Variants in PLXNA4 observed in about 807,000 individuals in gnomAD.
PLXNA4 encodes the protein plexin-A4.
Under a neutral mutation model 191.8 loss-of-function variants are expected in PLXNA4, and 44 were observed. The ratio of observed to expected loss-of-function variants is 0.23; its 90% CI spans 0.18 to 0.29. The LOEUF (loss-of-function observed/expected upper bound fraction) is 0.29, where lower values mean the gene tolerates loss of function less well. Among genes scored for constraint, PLXNA4 ranks in the 10% least tolerant of loss-of-function variants. The pLI is 1.00. For missense variants in PLXNA4, 1,800 were observed against 2,488.8 expected (o/e 0.72, Z 5.89); for synonymous variants, 1,082 against 1,009.5 (o/e 1.07, Z -1.36).
chr7:132,438,267 G>A (rs895444525), intron 3 of PLXNA4, among the ~76,000 whole-genome samples: 1 of 152,150 alleles, frequency 6.6e-6, no homozygotes, highest in African/African-American at 2.4e-5. Context: ...TCTATGAGGT[G>A]TAGATAACAG....
intron 3 of PLXNA4, among the ~76,000 whole-genome samples, chr7:132,461,092 A>C (rs182974515): frequency 7.9e-5 from 12 of 152,378 alleles, no homozygotes; most frequent in Admixed American, 6.5e-4. Context: ...AAAAAATCAA[A>C]GTAAACAGCA....
chr7:132,141,280 A>T (rs1795261303), intron 29 of PLXNA4, among the ~76,000 whole-genome samples: 1 of 152,190 alleles, frequency 6.6e-6, no homozygotes, highest in South Asian at 2.1e-4. Flanking sequence ...ACTTGGCAGA[A>T]GTCACACCCT....
chr7:132,427,402 T>C (rs995154587), intron 3 of PLXNA4, among the ~76,000 whole-genome samples: 2 of 152,114 alleles, frequency 1.3e-5, no homozygotes, highest in Non-Finnish European at 2.9e-5. Context: ...ACACTCTTCC[T>C]TTTTTCCTCC....
chr7:132,335,902 G>A (rs1279957251), intron 3 of PLXNA4, among the ~76,000 whole-genome samples: 2 of 152,170 alleles, frequency 1.3e-5, no homozygotes, highest in Non-Finnish European at 2.9e-5. Context: ...CCTGCTGGTG[G>A]TCTCCCCCAA....
intron 3 of PLXNA4, among the ~76,000 whole-genome samples, chr7:132,413,244 C>T (rs1342072740): frequency 2.6e-5 from 4 of 152,154 alleles, no homozygotes; most frequent in Non-Finnish European, 5.9e-5. Context: ...CACAGCAAAG[C>T]CTGGAAGCAA....
intron 2 of PLXNA4, among the ~76,000 whole-genome samples, chr7:132,625,830 G>T (rs1803359387): frequency 1.3e-5 from 2 of 152,116 alleles, no homozygotes; most frequent in Non-Finnish European, 1.5e-5. Context: ...TCTCCCCTAG[G>T]GACTGGGATA....
chr7:132,309,863 C>T (rs1801661412), intron 3 of PLXNA4, among the ~76,000 whole-genome samples: 1 of 152,212 alleles, frequency 6.6e-6, no homozygotes, highest in Admixed American at 6.5e-5. Context: ...GAGCTCGGCA[C>T]AGGGCAGAGA....
At chr7:132,264,260 C>A (rs1326775734) in intron 4 of PLXNA4, 1 of 152,208 alleles carries the variant, frequency 6.6e-6, no homozygotes, top group East Asian at 1.9e-4. Context: ...CCATCAGAAC[C>A]CTCTCCCCTG....
intron 1 of PLXNA4, among the ~76,000 whole-genome samples, chr7:132,522,690 T>C (rs1799239309): frequency 6.6e-6 from 1 of 152,202 alleles, no homozygotes; most frequent in Admixed American, 6.5e-5. Flanking sequence ...GAAGATCACT[T>C]GTGCCTAGGA....
intron 3 of PLXNA4, among the ~76,000 whole-genome samples, chr7:132,402,399 G>C (rs1012195033): frequency 6.6e-6 from 1 of 152,156 alleles, no homozygotes; most frequent in African/African-American, 2.4e-5. Flanking sequence ...AGGCACAGGG[G>C]CTCCATTGTA....
intron 3 of PLXNA4, among the ~76,000 whole-genome samples, chr7:132,339,757 C>T (rs1802952818): frequency 6.6e-6 from 1 of 152,064 alleles, no homozygotes; most frequent in African/African-American, 2.4e-5. Context: ...TATTCAGGGG[C>T]CCCCACACTT....
rs764057793 is a variant in PLXNA4, at chr7:132,164,229, C to G, written c.4413G>C (p.Lys1471Asn). 1 of 1,614,240 alleles carries G rather than the reference C, an allele frequency of 6.2e-7. No homozygotes were observed. The highest frequency in any genetic ancestry group is 8.5e-7 in the Non-Finnish European group (1 of 1,180,034). ...LFCAIKQQME[K>N]GPIDAITGEA... ...CGCCCGTGATGGCGTCAATGGGGCC[C>G]TTCTCCATCTGCTGCTTGATGGCAC... The change falls in exon 24 of 32, where the codon AAG (lysine) becomes AAC (asparagine). Residue 1471 changes from lysine (K) to asparagine (N), a missense_variant. Around this residue, in one of 6 missense-constraint regions of PLXNA4, gnomAD observed 214 missense variants for 298.2 expected, o/e 0.72. Transcript: ENST00000321063.
At chr7:132,455,682 A>G (rs1259074467) in intron 3 of PLXNA4, among the ~76,000 whole-genome samples, 1 of 152,016 alleles carries the variant, frequency 6.6e-6, no homozygotes, top group Non-Finnish European at 1.5e-5. Context: ...TTGTGCATCA[A>G]GCGTGCAGCT....
At chr7:132,202,219 T>C (rs976640565) in intron 12 of PLXNA4, among the ~76,000 whole-genome samples, 3 of 152,130 alleles carry the variant, frequency 2.0e-5, no homozygotes, top group African/African-American at 7.2e-5. Context: ...GACCTCTCTG[T>C]TGTGACCTTC....
chr7:132,156,724 T>C (rs1315244689), intron 25 of PLXNA4, among the ~76,000 whole-genome samples: 1 of 152,224 alleles, frequency 6.6e-6, no homozygotes, highest in East Asian at 1.9e-4. Flanking sequence ...AAATTGCTCT[T>C]AGGCTTTCAA....
chr7:132,391,018 T>A (rs927858659), intron 3 of PLXNA4, among the ~76,000 whole-genome samples: 3 of 152,204 alleles, frequency 2.0e-5, no homozygotes, highest in Admixed American at 1.3e-4. Context: ...ATCACAGTCT[T>A]AGGGAGTTTC....
chr7:132,150,389 G>A (rs1216403309), intron 25 of PLXNA4, among the ~76,000 whole-genome samples: 1 of 152,226 alleles, frequency 6.6e-6, no homozygotes, highest in Non-Finnish European at 1.5e-5. Context: ...GATGTGCTGT[G>A]CAGTTGGATG....
At chr7:132,178,260 C>A (rs952028979) in intron 20 of PLXNA4, among the ~76,000 whole-genome samples, 3 of 152,040 alleles carry the variant, frequency 2.0e-5, no homozygotes, top group African/African-American at 7.3e-5. Flanking sequence ...AGTGCAAAAC[C>A]CACTCAACCA....
intron 4 of PLXNA4, among the ~76,000 whole-genome samples, chr7:132,264,684 C>CT (rs56218905): frequency 1.3e-3 from 165 of 130,302 alleles, no homozygotes; most frequent in Non-Finnish European, 1.8e-3. Context: ...GTCCTCCCCG[C>CT]TTTTTTTTTT....
Sources: gnomAD v4.1 joint callset for allele counts (sites outside exome capture counted in the v4.1 genomes callset) on GRCh38, gnomAD v4.1.1 for gene constraint, gnomAD v4.1.1 regional missense constraint, MANE v1.5 for transcripts, NCBI Gene and HGNC (gene_info 2026-07-23, HGNC 2026-07-21) for gene names.